ADCY9: variants seen among roughly 807,000 people sequenced by gnomAD.
ADCY9 encodes adenylate cyclase 9, also known as adenylate cyclase type 9.
ADCY9 carries 50 observed loss-of-function variants against 101.5 expected under a neutral mutation model. The ratio of observed to expected loss-of-function variants is 0.49; its 90% CI spans 0.39 to 0.62. The LOEUF is 0.62. ADCY9 is among the 20% of genes least tolerant of loss of function. The pLI is 0.00. For missense variants in ADCY9, 1,662 were observed against 1,800.4 expected, an observed-to-expected ratio of 0.92 and a Z score of 1.39; for synonymous variants, 905 against 769.3, an observed-to-expected ratio of 1.18 and a Z score of -2.92.
chr16:4,074,557 T>TA (rs1210410058), intron 2 of ADCY9, among the ~76,000 whole-genome samples: 3 of 150,024 alleles, frequency 2.0e-5, no homozygotes, highest in Admixed American at 6.7e-5. Flanking sequence ...AAATTTAAAT[T>TA]AAAAAAACAA....
In ADCY9 at chr16:4,115,266, G is replaced by A; in HGVS notation, c.177C>T (p.Asp59=). The change falls in exon 2 of 11, where the codon GAC becomes GAT. Residue 59 remains aspartate, a synonymous_variant. Coordinates refer to ENST00000294016, the MANE Select transcript of ADCY9 (RefSeq NM_001116.4). This position sits in a 1 kb window ranked among gnomAD's most constrained non-coding sequence, Gnocchi z 6.2. ...SISSSCSSSG[D]SGGVPRRVGG... is the part of the protein sequence containing the mutation. ...CCACTCGCCGGGGGACGCCCCCGGA[G>A]TCCCCAGAGCTGCTGCAGCTAGAGG... 1 of 1,613,650 alleles carries A rather than the reference G, an allele frequency of 6.2e-7. No individual in the cohort carries two copies. The highest frequency in any genetic ancestry group is 8.5e-7 in the Non-Finnish European group (1 of 1,179,756).
At chr16:4,033,435 T>C (rs2056569254) in intron 2 of ADCY9, among the ~76,000 whole-genome samples, 2 of 23,962 alleles carry the variant, frequency 8.3e-5, no homozygotes, top group Non-Finnish European at 1.7e-3. Context: ...TGAAGTAATT[T>C]TTTTTTTTTT....
intron 2 of ADCY9, among the ~76,000 whole-genome samples, chr16:4,111,187 T>C (rs989810171): frequency 6.6e-6 from 1 of 152,224 alleles, no homozygotes; most frequent in Middle Eastern, 3.2e-3. Flanking sequence ...TGGATGCCCA[T>C]TCCTGCAGGG....
chr16:3,982,906 T>C (rs998468262), intron 7 of ADCY9: 42 of 356,540 alleles, frequency 1.2e-4, no homozygotes, highest in Non-Finnish European at 3.1e-5. Flanking sequence ...TCATGTCTTT[T>C]CCTTTCCTTC....
chr16:4,057,662 T>A (rs770777495), intron 2 of ADCY9, among the ~76,000 whole-genome samples: 1 of 152,170 alleles, frequency 6.6e-6, no homozygotes, highest in Non-Finnish European at 1.5e-5. Context: ...CACAAAGCTC[T>A]CTCCTCTGTC....
At position 4,029,609 on chromosome 16, in the gene ADCY9, AGG is replaced by A. The variant is rs202184751; in HGVS notation, c.1694-22053_1694-22052del. On this transcript the variant is annotated intron_variant, in intron 2 of 10. Transcript: ENST00000294016. Reference sequence around the variant, plus strand: ...TAAAAATACAAAAATTAGCTGGGTGAGGTGGCACGTGCCTGTAATCCCAGCTA... The same window carrying A: ...TAAAAATACAAAAATTAGCTGGGTGATGGCACGTGCCTGTAATCCCAGCTA... Among the ~76,000 whole-genome samples the A allele has an allele frequency of 9.2e-3, 1,396 of 152,198 alleles. 26 individuals carry two copies. The highest frequency in any genetic ancestry group is 0.047 in the Admixed American group (714 of 15,296).
Position 3,965,847 on chromosome 16 carries a change from T to C in ADCY9, c.3990A>G (p.Lys1330=), listed in dbSNP as rs747632699. 1.2e-6 allele frequency: 2 copies of C among 1,614,236 alleles called. No individual in the cohort carries two copies. Among genetic ancestry groups the C allele is most frequent in the Non-Finnish European group, 8.5e-7 (1 of 1,180,052 alleles). The change falls in exon 11 of 11, where the codon AAA becomes AAG. Residue 1330 remains lysine (K), a synonymous_variant. Transcript: ENST00000294016. ...ERGRFGKAIE[K]DDCDETGIEE... Reference sequence around the variant, plus strand: ...CTATTCCTGTTTCGTCACAGTCGTCTTTCTCTATGGCTTTGCCAAATCGAC... The same window carrying C: ...CTATTCCTGTTTCGTCACAGTCGTCCTTCTCTATGGCTTTGCCAAATCGAC...
intron 2 of ADCY9, among the ~76,000 whole-genome samples, chr16:4,090,297 C>A (rs732099): frequency 0.11 from 16,531 of 152,114 alleles, 1,033 homozygotes; most frequent in Middle Eastern, 0.15. Flanking sequence ...TAAGGATGAA[C>A]AGATTTTTTT....
At chr16:4,100,694 G>T (rs1321257299) in intron 2 of ADCY9, among the ~76,000 whole-genome samples, 1 of 143,470 alleles carries the variant, frequency 7.0e-6, no homozygotes, top group Admixed American at 7.3e-5. Flanking sequence ...AGTGAGCCGA[G>T]ATTATGCCAC....
intron 2 of ADCY9, among the ~76,000 whole-genome samples, chr16:4,036,392 A>G (rs530663577): frequency 1.4e-3 from 213 of 151,570 alleles, no homozygotes; most frequent in African/African-American, 4.6e-3. Context: ...TATAATGCGC[A>G]GTGATGAAGT....
At position 4,113,753 on chromosome 16, in the gene ADCY9, T is replaced by G. The variant is rs52791170; in HGVS notation, c.1690A>C (p.Lys564Gln). The G allele has an allele frequency of 7.8e-3, 12,562 of 1,611,730 alleles. 49 individuals carry two copies. The highest frequency in any genetic ancestry group is 9.2e-3 in the Non-Finnish European group (10,851 of 1,178,264). Residue 564 changes from lysine (K) to glutamine (Q), a missense_variant, in exon 2 of 11, where the codon AAA becomes CAA. Physicochemically the swap from Lys to Gln is moderately conservative, Grantham distance 53. This residue lies in a region of ADCY9 where 624 missense variants were observed against 639.1 expected (regional missense o/e 0.98). Coordinates refer to ENST00000294016, the MANE Select transcript of ADCY9 (RefSeq NM_001116.4). ...LGQSVVADQL[K>Q]GLKTYLISGQ... ...CGAGGTAAAGCAGTGCACATACCTT[T>G]CAACTGGTCAGCAACCACGCTCTGG...
rs2055949411 is a variant in ADCY9 at position 3,962,941 on chromosome 16, G to A, written c.*2834C>T. The A allele has an allele frequency of 6.5e-6, 1 of 152,872 alleles. No individual in the cohort carries two copies. The highest frequency in any genetic ancestry group is 2.1e-4 in the South Asian group (1 of 4,818). The allele number at this position is 152,872 out of a possible 1,614,324, so 9.5% of individuals were successfully genotyped here. A position where few individuals can be genotyped will look rare whatever the true frequency, so the allele number is the denominator to read the frequency against. On this transcript the variant is annotated 3_prime_UTR_variant, in exon 11 of 11. Transcript: ENST00000294016. The stretch of plus-strand genomic sequence containing the variant: ...CACGCGGCCTTCGGCTCTCCGGATC[G>A]TGTGCAAATGTGCAGGGGGAGCCCC...
intron 3 of ADCY9, among the ~76,000 whole-genome samples, chr16:3,996,919 C>G (rs1392673239): frequency 6.6e-6 from 1 of 152,118 alleles, no homozygotes; most frequent in African/African-American, 2.4e-5. Flanking sequence ...GGCTGGAGTG[C>G]AGTGGGGAGA....
chr16:3,961,590 C>T (rs565833782), downstream of ADCY9, among the ~76,000 whole-genome samples: 1 of 152,294 alleles, frequency 6.6e-6, no homozygotes, highest in East Asian at 1.9e-4. Flanking sequence ...AAACAGCAAC[C>T]TCATTGGCCC....
chr16:3,954,792 A>G (rs1966419), intron 5 of ADCY9, among the ~76,000 whole-genome samples: 68,912 of 152,028 alleles, frequency 0.45, 16,336 homozygotes, highest in Non-Finnish European at 0.54. Flanking sequence ...CTGTGGACAC[A>G]GATGGGGAGG....
intron 8 of ADCY9, 102 bp downstream of exon 8, chr16:3,979,014 C>T: frequency 6.7e-7 from 1 of 1,499,768 alleles, no homozygotes; most frequent in Non-Finnish European, 9.2e-7. Context: ...CATGCCTGGC[C>T]AAAGGGTTTA....
intron 6 of ADCY9, 128 bp downstream of exon 6, chr16:3,988,866 A>G: frequency 1.3e-6 from 1 of 745,822 alleles, no homozygotes. Context: ...TAGGGTTTAC[A>G]GAGTGTGGGA....
chr16:3,956,593 C>T (rs1407917101), intron 5 of ADCY9, among the ~76,000 whole-genome samples: 5 of 147,432 alleles, frequency 3.4e-5, no homozygotes, highest in East Asian at 2.0e-4. Flanking sequence ...CAGGTTCAAG[C>T]GATTCTCCTG....
chr16:4,040,396 T>G (rs1164568201), intron 2 of ADCY9, among the ~76,000 whole-genome samples: 1 of 152,154 alleles, frequency 6.6e-6, no homozygotes, highest in Non-Finnish European at 1.5e-5. Flanking sequence ...ACTATCATAT[T>G]TCCTGGTTTC....
Sources: gnomAD v4.1 joint callset for allele counts (sites outside exome capture counted in the v4.1 genomes callset) on GRCh38, gnomAD v4.1.1 for gene constraint, gnomAD v4.1.1 regional missense constraint, Gnocchi (gnomAD v3.1) non-coding constraint, MANE v1.5 for transcripts, NCBI Gene and HGNC (gene_info 2026-07-23, HGNC 2026-07-21) for gene names.